Variants in NKAIN3 observed in about 807,000 individuals in gnomAD.
NKAIN3 encodes the protein sodium/potassium-transporting ATPase subunit beta-1-interacting protein 3.
NKAIN3 carries 25 observed loss-of-function variants against 30.2 expected under a neutral mutation model. The ratio of observed to expected loss-of-function variants is 0.83; its 90% CI spans 0.60 to 1.16. The LOEUF is 1.16. Among genes scored for constraint, NKAIN3 ranks in the 50% most tolerant of loss-of-function variants. The probability of loss-of-function intolerance (pLI) is 0.00; values close to 1 mark genes in which losing one functional copy is unlikely to be tolerated. For missense variants in NKAIN3, 225 were observed against 254.1 expected (o/e 0.89, Z 0.78); for synonymous variants, 91 against 89.6 (o/e 1.02, Z -0.09).
intron 1 of NKAIN3, chr8:62,483,442 G>A (rs1806793684): frequency 5.6e-6 from 1 of 179,720 alleles, no homozygotes. Context: ...GGCTAGGTGA[G>A]CCAGGAGTGT....
chr8:62,701,682 C>A (rs890118544), intron 3 of NKAIN3, among the ~76,000 whole-genome samples: 2 of 152,194 alleles, frequency 1.3e-5, no homozygotes, highest in Non-Finnish European at 2.9e-5. Context: ...CAAATTAGCT[C>A]TTTTCAGAAG....
At chr8:62,422,817 T>C (rs1052309459) in intron 1 of NKAIN3, among the ~76,000 whole-genome samples, 1 of 152,170 alleles carries the variant, frequency 6.6e-6, no homozygotes, top group African/African-American at 2.4e-5. Flanking sequence ...TTACTTACTA[T>C]GTTTTATATT....
chr8:62,748,284 C>T lies in NKAIN3; in HGVS notation c.471+1155C>T, dbSNP rs73683240. 4.1e-3 allele frequency among the ~76,000 whole-genome samples: 628 copies of T among 152,234 alleles called. 1 individual carries two copies. The highest frequency in any genetic ancestry group is 0.014 in the African/African-American group (594 of 41,510). The stretch of plus-strand genomic sequence containing the variant: ...GGAATGTCCAAAGAGGCCTCACTCA[C>T]ATCTCTGGTGCTGGCTGTTGGCCCC... On this transcript the variant is annotated intron_variant, in intron 4 of 6. Transcript: ENST00000623646.
chr8:62,765,355 A>G (rs1384335602), intron 4 of NKAIN3, among the ~76,000 whole-genome samples: 1 of 152,130 alleles, frequency 6.6e-6, no homozygotes, highest in Non-Finnish European at 1.5e-5. Flanking sequence ...TGTGCAAATC[A>G]TAGAAAGATT....
rs374800827 is a variant in NKAIN3 at position 62,801,957 on chromosome 8, A to G, written c.471+54828A>G. The stretch of plus-strand genomic sequence containing the variant: ...ATGGAGCTGAAAGCCAAGGCTCGAG[A>G]ACTATGTGAAGAATGTAGAAGCCTC... On this transcript the variant is annotated intron_variant, in intron 4 of 6. Coordinates refer to ENST00000623646, the MANE Select transcript of NKAIN3 (RefSeq NM_001304533.3). 7.2e-5 allele frequency among the ~76,000 whole-genome samples: 11 copies of G among 152,346 alleles called. No individual in the cohort carries two copies. In the East Asian group the frequency reaches 9.7e-4, roughly 13 times the overall value.
At chr8:62,439,398 A>C (rs1805260593) in intron 1 of NKAIN3, among the ~76,000 whole-genome samples, 1 of 152,202 alleles carries the variant, frequency 6.6e-6, no homozygotes, top group Non-Finnish European at 1.5e-5. Flanking sequence ...GATCCCAGCC[A>C]ACCCATGCTT....
intron 1 of NKAIN3, among the ~76,000 whole-genome samples, chr8:62,423,546 C>A (rs977805043): frequency 6.6e-6 from 1 of 151,626 alleles, no homozygotes; most frequent in Non-Finnish European, 1.5e-5. Context: ...TTATGAACTT[C>A]TCTTTTCTGT....
At chr8:62,655,232 A>T (rs1244435230) in intron 3 of NKAIN3, among the ~76,000 whole-genome samples, 1 of 152,176 alleles carries the variant, frequency 6.6e-6, no homozygotes, top group East Asian at 1.9e-4. Flanking sequence ...AACCAGAATG[A>T]GTCCACCTCT....
At chr8:62,648,405 A>T (rs1338458191) in intron 3 of NKAIN3, among the ~76,000 whole-genome samples, 1 of 152,208 alleles carries the variant, frequency 6.6e-6, no homozygotes, top group Non-Finnish European at 1.5e-5. Flanking sequence ...AGAGAAAAAT[A>T]GTCCTATGTC....
chr8:62,335,063 G>A (rs1470111099), intron 1 of NKAIN3, among the ~76,000 whole-genome samples: 1 of 152,022 alleles, frequency 6.6e-6, no homozygotes, highest in African/African-American at 2.4e-5. Context: ...CAGATTTAAG[G>A]GGAGAGGTGT....
Position 62,983,393 on chromosome 8 carries a change from C to A in NKAIN3, c.*17986C>A, listed in dbSNP as rs1228144506. 1 of 152,192 alleles carries A rather than the reference C, an allele frequency of 6.6e-6. No individual in the cohort carries two copies. The highest frequency in any genetic ancestry group is 2.4e-5 in the African/African-American group (1 of 41,432). The allele number at this position is 152,192 out of a possible 1,614,324, so 9.4% of individuals were successfully genotyped here. On this transcript the variant is annotated 3_prime_UTR_variant, in exon 7 of 7. Transcript: ENST00000623646. ...TGCTTTTCTTCTTCCAGTTTCAGAG[C>A]CCCAGCGATCCCAGGATGAAGGAGA...
intron 1 of NKAIN3, among the ~76,000 whole-genome samples, chr8:62,286,000 G>A (rs919426911): frequency 1.3e-5 from 2 of 152,070 alleles, no homozygotes; most frequent in African/African-American, 2.4e-5. Context: ...ATTTTTATGT[G>A]CAAGATATTT....
chr8:62,522,694 A>G (rs948895072), intron 1 of NKAIN3, among the ~76,000 whole-genome samples: 8 of 151,986 alleles, frequency 5.3e-5, no homozygotes, highest in Admixed American at 1.3e-4. Context: ...AAAAAGTTTA[A>G]AAAGTTAAAA....
At chr8:62,672,208 G>T (rs1813326621) in intron 3 of NKAIN3, among the ~76,000 whole-genome samples, 1 of 152,162 alleles carries the variant, frequency 6.6e-6, no homozygotes, top group African/African-American at 2.4e-5. Context: ...GTGGTTCAAG[G>T]TTCACCCATG....
intron 1 of NKAIN3, among the ~76,000 whole-genome samples, chr8:62,426,090 T>C (rs1804798086): frequency 6.6e-6 from 1 of 151,988 alleles, no homozygotes; most frequent in Non-Finnish European, 1.5e-5. Context: ...AATTATCAAG[T>C]GCATTTTGGT....
intron 1 of NKAIN3, among the ~76,000 whole-genome samples, chr8:62,289,994 CTT>C (rs1459513318): frequency 2.6e-4 from 40 of 152,200 alleles, no homozygotes; most frequent in Non-Finnish European, 8.8e-5. Flanking sequence ...ATTTTATTCT[CTT>C]TGAAGTGATT....
At chr8:62,537,049 C>T (rs1403432430) in intron 1 of NKAIN3, among the ~76,000 whole-genome samples, 3 of 152,102 alleles carry the variant, frequency 2.0e-5, no homozygotes, top group Non-Finnish European at 4.4e-5. Context: ...AGCCCTATAG[C>T]ACTTCAGGAA....
intron 1 of NKAIN3, among the ~76,000 whole-genome samples, chr8:62,440,699 TTTA>T (rs1190703862): frequency 8.4e-6 from 1 of 118,904 alleles, no homozygotes; most frequent in Non-Finnish European, 2.1e-5. Flanking sequence ...CTTCTTCTTC[TTTA>T]TTTTTTTTTT....
At chr8:62,692,462 C>T (rs1407852288) in intron 3 of NKAIN3, among the ~76,000 whole-genome samples, 1 of 152,118 alleles carries the variant, frequency 6.6e-6, no homozygotes, top group African/African-American at 2.4e-5. Flanking sequence ...CCTAGAAGAA[C>T]ACTCAAGATT....
Sources: gnomAD v4.1 joint callset for allele counts (sites outside exome capture counted in the v4.1 genomes callset) on GRCh38, gnomAD v4.1.1 for gene constraint, MANE v1.5 for transcripts, NCBI Gene and HGNC (gene_info 2026-07-23, HGNC 2026-07-21) for gene names.